Variants in RAD51D observed in about 807,000 individuals in gnomAD.
RAD51D encodes RAD51 paralog D.
A neutral mutation model predicts 44.1 loss-of-function variants in RAD51D; 38 were observed. The observed-to-expected ratio is 0.86, with a 90% CI of 0.67 to 1.13. RAD51D has a LOEUF of 1.13. Ranked by LOEUF, RAD51D falls within the 50% of genes most tolerant of loss-of-function variation. The pLI, the probability that RAD51D is intolerant of heterozygous loss-of-function variation, is 0.00. For missense variants in RAD51D, 390 were observed against 414.0 expected, an observed-to-expected ratio of 0.94 and a Z score of 0.50; for synonymous variants, 141 against 166.6, an observed-to-expected ratio of 0.85 and a Z score of 1.18.
chr17:35,092,527 C>T lies in RAD51D; in HGVS notation c.*8426G>A, dbSNP rs947022359. On this transcript the variant is annotated 3_prime_UTR_variant, in exon 10 of 10. Transcript: ENST00000345365. The stretch of plus-strand genomic sequence containing the variant: ...ACCAACAAAGAATGTAATTCCCCTG[C>T]AACATACACTTTACCAGTAGGACAG... The T allele has an allele frequency of 1.3e-5, 2 of 152,152 alleles. No homozygotes were observed. The highest frequency in any genetic ancestry group is 2.9e-5 in the Non-Finnish European group (2 of 68,032). 9.4% of individuals were successfully genotyped at this position (152,152 alleles called of 1,614,324 possible). A position where few individuals can be genotyped will look rare whatever the true frequency, so the allele number is the denominator to read the frequency against.
rs577114303 is a variant in RAD51D at position 35,101,446 on chromosome 17, A to G, written c.739-81T>C. 32 of 1,454,840 alleles carry G rather than the reference A, an allele frequency of 2.2e-5. No homozygotes were observed. The African/African-American group carries it at 4.3e-4, about 20-fold the overall frequency. 90.1% of individuals were successfully genotyped at this position (1,454,840 alleles called of 1,614,324 possible). A position where few individuals can be genotyped will look rare whatever the true frequency, so the allele number is the denominator to read the frequency against. The stretch of plus-strand genomic sequence containing the variant: ...CTACCGCTTCATTTTACGGAGAGGA[A>G]AACAGAGGCCTAGCACAGAGAAATA... On this transcript the variant is annotated intron_variant, in intron 8 of 9. Transcript: ENST00000345365.
chr17:35,119,335 C>T, intron 1 of RAD51D, 163 bp from the exon 2 acceptor site: 1 of 894,344 alleles, frequency 1.1e-6, no homozygotes, highest in Non-Finnish European at 1.8e-6. Flanking sequence ...CGGTGCCCTG[C>T]ACACAGTAGG....
chr17:35,107,516 G>C, intron 3 of RAD51D, 69 bp from the exon 4 acceptor site: 1 of 1,242,502 alleles, frequency 8.0e-7, no homozygotes, highest in Non-Finnish European at 1.2e-6. Flanking sequence ...GTACCAAGAA[G>C]AAAAGTAAGA....
intron 3 of RAD51D, among the ~76,000 whole-genome samples, chr17:35,115,497 T>C (rs529139632): frequency 1.3e-5 from 2 of 152,244 alleles, no homozygotes; most frequent in South Asian, 2.1e-4. Context: ...TAGTCAGGCA[T>C]TTCTCAAACT....
chr17:35,115,645 G>A (rs1423609386), intron 3 of RAD51D, among the ~76,000 whole-genome samples: 3 of 152,024 alleles, frequency 2.0e-5, no homozygotes, highest in Non-Finnish European at 2.9e-5. Context: ...CAAGGCGGGC[G>A]GATCACGAGG....
intron 6 of RAD51D, among the ~76,000 whole-genome samples, chr17:35,104,696 C>A (rs1428877184): frequency 6.6e-6 from 1 of 152,208 alleles, no homozygotes; most frequent in Non-Finnish European, 1.5e-5. Context: ...TGCCATCTTT[C>A]TAACCATAAT....
intron 3 of RAD51D, chr17:35,117,103 C>T: frequency 1.3e-6 from 2 of 1,513,518 alleles, no homozygotes; most frequent in Non-Finnish European, 1.8e-6. Flanking sequence ...TCCCTCCTTA[C>T]CGTTGCCTCC....
chr17:35,092,812 T>C lies in RAD51D; in HGVS notation c.*8141A>G, dbSNP rs1263110760. Reference sequence around the variant, plus strand: ...CACAGGGTGCTAACCCTAATTTTTCTATGGGAGGTTACTCTTCAAGGGATT... The same window carrying C: ...CACAGGGTGCTAACCCTAATTTTTCCATGGGAGGTTACTCTTCAAGGGATT... On this transcript the variant is annotated 3_prime_UTR_variant, in exon 10 of 10. Transcript: ENST00000345365. 1 of 152,182 alleles carries C rather than the reference T, an allele frequency of 6.6e-6. No individual in the cohort carries two copies. The highest frequency in any genetic ancestry group is 1.9e-4 in the East Asian group (1 of 5,198). The allele number at this position is 152,182 out of a possible 1,614,324, so 9.4% of individuals were successfully genotyped here. A position where few individuals can be genotyped will look rare whatever the true frequency, so the allele number is the denominator to read the frequency against.
rs761290755 is a variant in RAD51D at position 35,101,205 on chromosome 17, C to G, written c.899G>C (p.Arg300Pro). 1 of 1,614,072 alleles carries G rather than the reference C, an allele frequency of 6.2e-7. No homozygotes were observed. Among genetic ancestry groups the G allele is most frequent in the South Asian group, 1.1e-5 (1 of 91,076 alleles). The change falls in exon 9 of 10, where the codon CGA (arginine) becomes CCA (proline). Residue 300 changes from arginine to proline, a missense_variant. Arg to Pro is a moderately radical substitution (Grantham distance 103). Coordinates refer to ENST00000345365, the MANE Select transcript of RAD51D (RefSeq NM_002878.4). ...RRMACLAKSS[R>P]QPTGFQEMVD... ...ATCTTCCTGGGGCTGGCTCACCTGT[C>G]GGGAAGATTTGGCCAGACACGCCAT...
intron 3 of RAD51D, 124 bp downstream of exon 3, chr17:35,118,377 C>G (rs1214281503): frequency 1.2e-6 from 1 of 801,136 alleles, no homozygotes; most frequent in Non-Finnish European, 2.1e-6. Context: ...TGACCCCTTT[C>G]CTTCCCATCC....
rs553444507 is a variant in RAD51D at position 35,119,620 on chromosome 17, C to T, written c.-7G>A. 24 of 1,610,238 alleles carry T rather than the reference C, an allele frequency of 1.5e-5. No homozygotes were observed. The highest frequency in any genetic ancestry group is 9.3e-5 in the African/African-American group (7 of 75,048). ...CGACCCTGAGCACGCCCATGTTCCC[C>T]GCAGGCCGGAACAGCCCCAGGGGGA... On this transcript the variant is annotated 5_prime_UTR_variant, in exon 1 of 10. Coordinates refer to ENST00000345365, the MANE Select transcript of RAD51D (RefSeq NM_002878.4).
chr17:35,109,188 A>C (rs904368146), intron 3 of RAD51D, among the ~76,000 whole-genome samples: 9 of 152,088 alleles, frequency 5.9e-5, no homozygotes, highest in Non-Finnish European at 1.3e-4. Flanking sequence ...TTTTTTACTC[A>C]GCATCATTCC....
In RAD51D at chr17:35,119,781, G is replaced by C. The variant is rs1190807185; in HGVS notation, c.-168C>G. ...GAGGCGGCACCAAGGGTAGGGCTGG[G>C]GGTCATCCGCCCGCCCGGGATCCGC... On this transcript the variant is annotated 5_prime_UTR_variant, in exon 1 of 10. Transcript: ENST00000345365. 1 of 746,926 alleles carries C rather than the reference G, an allele frequency of 1.3e-6. No individual in the cohort carries two copies. The highest frequency in any genetic ancestry group is 2.3e-6 in the Non-Finnish European group (1 of 429,218). 46.3% of individuals were successfully genotyped at this position (746,926 alleles called of 1,614,324 possible). A position where few individuals can be genotyped will look rare whatever the true frequency, so the allele number is the denominator to read the frequency against.
At chr17:35,110,817 T>C (rs2091665062) in intron 3 of RAD51D, among the ~76,000 whole-genome samples, 1 of 151,832 alleles carries the variant, frequency 6.6e-6, no homozygotes, top group Non-Finnish European at 1.5e-5. Context: ...ATAAAAAAAA[T>C]ACAAACAGGC....
chr17:35,103,125 G>T lies in RAD51D; in HGVS notation c.738+129C>A. The T allele has an allele frequency of 1.2e-6, 1 of 824,940 alleles. No homozygotes were observed. The highest frequency in any genetic ancestry group is 2.1e-6 in the Non-Finnish European group (1 of 485,804). The allele number at this position is 824,940 out of a possible 1,614,324, so 51.1% of individuals were successfully genotyped here. On this transcript the variant is annotated intron_variant, in intron 8 of 9. Transcript: ENST00000345365. This position sits in a 1 kb window ranked among gnomAD's most constrained non-coding sequence, Gnocchi z 4.1. ...CTATTTATGGTGCAAAGCTGTAGCT[G>T]ACCCAGGGAAGCTGGGATATGTCCC...
Position 35,103,675 on chromosome 17 carries a change from A to G in RAD51D, c.577-131T>C. The G allele has an allele frequency of 2.8e-6, 2 of 718,320 alleles. No individual in the cohort carries two copies. The highest frequency in any genetic ancestry group is 1.5e-5 in the South Asian group (1 of 67,096). The allele number at this position is 718,320 out of a possible 1,614,324, so 44.5% of individuals were successfully genotyped here. On this transcript the variant is annotated intron_variant, in intron 6 of 9. Transcript: ENST00000345365. The surrounding 1 kb of genome is among the most constrained non-coding windows in gnomAD (Gnocchi z 4.1). ...CCCAAATACAGCAAGCTGCACGGGC[A>G]TCACAGAATGTCATCAGCAGCAATG...
rs1555566344 is a variant in RAD51D, at chr17:35,096,715, G to GAGTTTTGT, written c.*4237_*4238insACAAAACT. On this transcript the variant is annotated 3_prime_UTR_variant, in exon 10 of 10. Transcript: ENST00000345365. ...GTCTCTACAAAAAATACAAAACTTA[G>GAGTTTTGT]ATGGGTGTGGTGGCACACACCTGTA... 18 of 152,334 alleles carry GAGTTTTGT rather than the reference G, an allele frequency of 1.2e-4. No homozygotes were observed. Among genetic ancestry groups the GAGTTTTGT allele is most frequent in the African/African-American group, 4.3e-4 (18 of 41,540 alleles). 9.4% of individuals were successfully genotyped at this position (152,334 alleles called of 1,614,324 possible). A position where few individuals can be genotyped will look rare whatever the true frequency, so the allele number is the denominator to read the frequency against.
chr17:35,108,158 T>C (rs1295376972), intron 3 of RAD51D, among the ~76,000 whole-genome samples: 6 of 150,800 alleles, frequency 4.0e-5, no homozygotes, highest in African/African-American at 1.2e-4. Flanking sequence ...GGCAGGAGAA[T>C]CGCTTGAACC....
chr17:35,107,441 A>C lies in RAD51D; in HGVS notation c.270T>G (p.Asp90Glu). 1 of 1,543,994 alleles carries C rather than the reference A, an allele frequency of 6.5e-7. No individual in the cohort carries two copies. Among genetic ancestry groups the C allele is most frequent in the East Asian group, 2.2e-5 (1 of 44,540 alleles). ...TATAGAGACCAGCATCAAGCAGTTT[A>C]TCAAGACTGATGGCAGAAGAGAAGA... ...AILSTGIGSL[D>E]KLLDAGLYTG... The change falls in exon 4 of 10, where the codon GAT becomes GAG. Residue 90 changes from aspartate (D) to glutamate (E), a missense_variant. Transcript: ENST00000345365.
Sources: allele counts gnomAD v4.1 joint callset (sites outside exome capture counted in the v4.1 genomes callset), GRCh38; gene constraint gnomAD v4.1.1; non-coding constraint Gnocchi (gnomAD v3.1); transcripts MANE v1.5; gene names NCBI Gene and HGNC (gene_info 2026-07-23, HGNC 2026-07-21).